NBEA: variants seen among roughly 807,000 people sequenced by gnomAD.
NBEA encodes the protein neurobeachin.
In NBEA, 44 loss-of-function variants were observed where a neutral mutation model predicts 343.4. That is an observed-to-expected ratio of 0.13 (90% CI 0.10 to 0.16). The LOEUF is 0.16. NBEA is among the 10% of genes least tolerant of loss of function. The pLI, the probability that NBEA is intolerant of heterozygous loss-of-function variation, is 1.00. For synonymous variants in NBEA, 1,175 were observed against 1,238.7 expected (o/e 0.95, Z 1.08); for missense variants, 2,555 against 3,631.3 (o/e 0.70, Z 7.62).
intron 41 of NBEA, among the ~76,000 whole-genome samples, chr13:35,543,213 A>T (rs1023715821): frequency 6.6e-6 from 1 of 152,232 alleles, no homozygotes; most frequent in Non-Finnish European, 1.5e-5. Flanking sequence ...TAATGGGATG[A>T]ATAGTTAACA....
At chr13:35,505,873 A>G (rs2077054824) in intron 41 of NBEA, among the ~76,000 whole-genome samples, 1 of 152,182 alleles carries the variant, frequency 6.6e-6, no homozygotes, top group Non-Finnish European at 1.5e-5. Flanking sequence ...CTGCATGTTC[A>G]ACTTACAGAT....
chr13:35,644,418 T>C (rs771608847), intron 49 of NBEA, among the ~76,000 whole-genome samples: 2 of 151,414 alleles, frequency 1.3e-5, no homozygotes, highest in Non-Finnish European at 2.9e-5. Flanking sequence ...TCTAGTACAA[T>C]GTTAATACTT....
Position 35,132,570 on chromosome 13 carries a change from T to A in NBEA, c.2336+8996T>A, listed in dbSNP as rs371335858. On this transcript the variant is annotated intron_variant, in intron 17 of 58. Transcript: ENST00000379939. The stretch of plus-strand genomic sequence containing the variant: ...TATACAATGGAATACTATTGTGCAA[T>A]TAAAAGGGAACAAACTACTGATGCA... Among the ~76,000 whole-genome samples, 95 of 152,268 alleles carry A rather than the reference T, an allele frequency of 6.2e-4. 3 individuals are homozygous for A. The South Asian group carries it at 0.019, about 31-fold the overall frequency.
chr13:34,945,019 T>C (rs2059146889), intron 1 of NBEA, among the ~76,000 whole-genome samples: 2 of 152,260 alleles, frequency 1.3e-5, no homozygotes, highest in Middle Eastern at 6.8e-3. Context: ...AAAAGAAATT[T>C]AACTCTTCAG....
chr13:35,173,476 C>T lies in NBEA; in HGVS notation c.4436C>T (p.Ala1479Val). The T allele has an allele frequency of 6.2e-7, 1 of 1,604,830 alleles. No homozygotes were observed. The highest frequency in any genetic ancestry group is 8.5e-7 in the Non-Finnish European group (1 of 1,174,670). The stretch of plus-strand genomic sequence containing the variant: ...AATTTTTAAATAGTTTGTTGTGTTG[C>T]TGTGAGAAACTGTTTAGAATGTCGG... ...RQCLRLVCCV[A>V]VRNCLECRQR... is the part of the protein sequence containing the mutation. The change falls in exon 27 of 59, where the codon GCT becomes GTT. Residue 1479 changes from alanine to valine, a missense_variant. Physicochemically the swap from Ala to Val is moderately conservative, Grantham distance 64 (BLOSUM62 0). Transcript: ENST00000379939.
At position 35,219,268 on chromosome 13, in the gene NBEA, T is replaced by G. The variant is rs1057114098; in HGVS notation, c.5648+8089T>G. Among the ~76,000 whole-genome samples, 11 of 152,244 alleles carry G rather than the reference T, an allele frequency of 7.2e-5. No homozygotes were observed. In the South Asian group the frequency reaches 2.1e-3, roughly 29 times the overall value. ...AAGCTCTGGCAGTGATTAATCAGTT[T>G]TATTCATATTGCCAAAAAAATGTCT... On this transcript the variant is annotated intron_variant, in intron 33 of 58. Coordinates refer to ENST00000379939, the MANE Select transcript of NBEA (RefSeq NM_001385012.1).
intron 4 of NBEA, 79 bp downstream of exon 4, chr13:35,045,480 A>T (rs1279268228): frequency 8.8e-7 from 1 of 1,130,968 alleles, no homozygotes; most frequent in East Asian, 2.6e-5. Flanking sequence ...TACATATAAT[A>T]AAATTTACCA....
At chr13:35,632,543 A>G (rs1555324186) in intron 49 of NBEA, among the ~76,000 whole-genome samples, 1 of 151,844 alleles carries the variant, frequency 6.6e-6, no homozygotes, top group Non-Finnish European at 1.5e-5. Context: ...ATGAACCTCC[A>G]TGTACCTATC....
intron 38 of NBEA, among the ~76,000 whole-genome samples, chr13:35,398,793 A>T (rs903025435): frequency 6.6e-6 from 1 of 152,088 alleles, no homozygotes; most frequent in African/African-American, 2.4e-5. Flanking sequence ...TGAATGGTCA[A>T]TGAGCTTTGG....
intron 48 of NBEA, among the ~76,000 whole-genome samples, chr13:35,612,269 A>G (rs2082552756): frequency 6.6e-6 from 1 of 151,964 alleles, no homozygotes; most frequent in African/African-American, 2.4e-5. Context: ...AGTAGCTGGG[A>G]CTACAGGCGC....
intron 6 of NBEA, among the ~76,000 whole-genome samples, chr13:35,054,952 T>C (rs2063198603): frequency 6.6e-6 from 1 of 152,108 alleles, no homozygotes; most frequent in Non-Finnish European, 1.5e-5. Flanking sequence ...CCTATTTTTA[T>C]TTTCTAAGTT....
At chr13:35,541,748 G>C (rs971863313) in intron 41 of NBEA, among the ~76,000 whole-genome samples, 2 of 151,728 alleles carry the variant, frequency 1.3e-5, no homozygotes, top group Non-Finnish European at 1.5e-5. Context: ...GTGTGTGTGT[G>C]TGTGTGTGTG....
rs76845790 is a variant in NBEA at position 35,256,877 on chromosome 13, G to C, written c.5776+24258G>C. Among the ~76,000 whole-genome samples, 465 of 152,372 alleles carry C rather than the reference G, an allele frequency of 3.1e-3. 19 individuals carry two copies. In the East Asian group the frequency reaches 0.079, roughly 26 times the overall value. On this transcript the variant is annotated intron_variant, in intron 34 of 58. Coordinates refer to ENST00000379939, the MANE Select transcript of NBEA (RefSeq NM_001385012.1). ...GGGCAAGGGCTTCCTGCACCCCCAAGAGTGCAGGTATGCCAGGGTCTGGAG... is the reference window on the plus strand; with the variant it reads ...GGGCAAGGGCTTCCTGCACCCCCAACAGTGCAGGTATGCCAGGGTCTGGAG...
chr13:35,287,897 A>G (rs928258648), intron 34 of NBEA, among the ~76,000 whole-genome samples: 4 of 152,066 alleles, frequency 2.6e-5, no homozygotes, highest in African/African-American at 7.2e-5. Context: ...TTAAACAGTT[A>G]TTAAGAGATT....
At chr13:35,306,140 A>G (rs2036878631) in intron 35 of NBEA, among the ~76,000 whole-genome samples, 2 of 152,122 alleles carry the variant, frequency 1.3e-5, no homozygotes. Context: ...GAGAAGTCTA[A>G]TCTCATTCAG....
rs550554121 is a variant in NBEA at position 34,967,699 on chromosome 13, T to C, written c.294+24585T>C. 7.2e-5 allele frequency among the ~76,000 whole-genome samples: 11 copies of C among 152,200 alleles called. No homozygotes were observed. In the South Asian group the frequency reaches 2.3e-3, roughly 32 times the overall value. On this transcript the variant is annotated intron_variant, in intron 1 of 58. Transcript: ENST00000379939. ...ATAAGGATCCAAATATTTTAGCCTTTGTGGGCCACATGGTGTCTATTACAA... is the reference window on the plus strand; with the variant it reads ...ATAAGGATCCAAATATTTTAGCCTTCGTGGGCCACATGGTGTCTATTACAA...
intron 45 of NBEA, among the ~76,000 whole-genome samples, chr13:35,574,115 T>G (rs1250000561): frequency 6.6e-6 from 1 of 152,140 alleles, no homozygotes; most frequent in Non-Finnish European, 1.5e-5. Context: ...ATAATGATAA[T>G]AATAATAGCC....
intron 41 of NBEA, among the ~76,000 whole-genome samples, chr13:35,530,973 C>T (rs529815360): frequency 3.3e-5 from 5 of 152,104 alleles, no homozygotes; most frequent in East Asian, 3.9e-4. Flanking sequence ...TAGGCTTCGA[C>T]GTCAGAAAGA....
intron 1 of NBEA, among the ~76,000 whole-genome samples, chr13:35,027,747 T>G (rs1388046404): frequency 6.6e-6 from 1 of 151,960 alleles, no homozygotes; most frequent in East Asian, 1.9e-4. Context: ...TCTAAAAACT[T>G]TTAGCCAGGC....
Sources: gnomAD v4.1 joint callset for allele counts (sites outside exome capture counted in the v4.1 genomes callset) on GRCh38, gnomAD v4.1.1 for gene constraint, MANE v1.5 for transcripts, NCBI Gene and HGNC (gene_info 2026-07-23, HGNC 2026-07-21) for gene names.